NDUFB6: variants seen among roughly 807,000 people sequenced by gnomAD.
The protein encoded by NDUFB6 is NADH:ubiquinone oxidoreductase subunit B6.
In NDUFB6, 23 loss-of-function variants were observed where a neutral mutation model predicts 17.5. That is an observed-to-expected ratio of 1.31 (90% CI 0.94 to 1.86). The LOEUF (loss-of-function observed/expected upper bound fraction) is 1.86. Ranked by LOEUF, NDUFB6 falls within the 40% of genes most tolerant of loss-of-function variation. The probability of loss-of-function intolerance (pLI) is 0.00; values close to 1 mark genes in which losing one functional copy is unlikely to be tolerated. For synonymous variants in NDUFB6, 60 were observed against 53.5 expected (o/e 1.12, Z -0.53); for missense variants, 167 against 153.8 (o/e 1.09, Z -0.46).
chr9:32,556,401 C>T (rs143131532), intron 3 of NDUFB6, among the ~76,000 whole-genome samples: 1 of 152,188 alleles, frequency 6.6e-6, no homozygotes, highest in Admixed American at 6.5e-5. Flanking sequence ...ACCTCATATT[C>T]GATAGGCACG....
At chr9:32,567,029 C>T (rs764328620) in intron 2 of NDUFB6, 2 of 502,176 alleles carry the variant, frequency 4.0e-6, no homozygotes, top group Non-Finnish European at 8.0e-6. Flanking sequence ...GCAGAGGTAG[C>T]CCTTGCGCAG....
chr9:32,566,433 G>A (rs202217879), intron 2 of NDUFB6: 1 of 836,646 alleles, frequency 1.2e-6, no homozygotes, highest in Non-Finnish European at 2.1e-6. Flanking sequence ...TGTTACTGTA[G>A]GGGTTGATGG....
chr9:32,566,730 C>G (rs1374661120), intron 2 of NDUFB6: 2 of 902,014 alleles, frequency 2.2e-6, no homozygotes, highest in Non-Finnish European at 3.7e-6. Flanking sequence ...GGACTCCAAG[C>G]CTTCAAACCA....
chr9:32,572,863 G>A lies in NDUFB6; in HGVS notation c.180+18C>T, dbSNP rs1242409593. On this transcript the variant is annotated intron_variant, in intron 1 of 3. Transcript: ENST00000379847. ...CAGTGGGATGTGTTGGGGGGGACCG[G>A]AGAGGTCTGTCACTCACCATTTTCC... 6.5e-7 allele frequency: 1 copy of A among 1,544,950 alleles called. No individual in the cohort carries two copies. Among genetic ancestry groups the A allele is most frequent in the Non-Finnish European group, 8.7e-7 (1 of 1,146,040 alleles).
intron 2 of NDUFB6, among the ~76,000 whole-genome samples, chr9:32,563,228 C>CG (rs1387846417): frequency 1.3e-5 from 2 of 152,136 alleles, no homozygotes; most frequent in Non-Finnish European, 2.9e-5. Context: ...ACTAAGGTGG[C>CG]GTCTGCCAGA....
Position 32,558,925 on chromosome 9 carries a change from CTTCTT to C in NDUFB6, c.298_302del (p.Lys100ValfsTer7), listed in dbSNP as rs776508109. 2.1e-5 allele frequency: 34 copies of C among 1,583,784 alleles called. No homozygotes were observed. Among genetic ancestry groups the C allele is most frequent in the African/African-American group, 1.1e-4 (8 of 74,384 alleles). Reference sequence around the variant, plus strand: ...TAAGACTTACAGGGAATATTCTGGACTTCTTTTCAACTATGCCATATGGTTTTTCC... The same window carrying C: ...TAAGACTTACAGGGAATATTCTGGACTTCAACTATGCCATATGGTTTTTCC... On this transcript the variant is annotated frameshift_variant, in exon 3 of 4. Coordinates refer to ENST00000379847, the MANE Select transcript of NDUFB6 (RefSeq NM_002493.5). LOFTEE classifies it high-confidence loss of function.
At chr9:32,564,735 T>C (rs750277299) in intron 2 of NDUFB6, among the ~76,000 whole-genome samples, 4 of 152,166 alleles carry the variant, frequency 2.6e-5, no homozygotes, top group South Asian at 2.1e-4. Context: ...TCTGAGATGA[T>C]AGTAACTCTG....
intron 2 of NDUFB6, chr9:32,566,553 T>A: frequency 1.3e-6 from 1 of 776,118 alleles, no homozygotes; most frequent in Admixed American, 1.7e-5. Context: ...ATAGCTGCCG[T>A]CGTACTGCAC....
chr9:32,556,574 G>A (rs1821461353), intron 3 of NDUFB6, among the ~76,000 whole-genome samples: 1 of 152,130 alleles, frequency 6.6e-6, no homozygotes, highest in African/African-American at 2.4e-5. Flanking sequence ...AAGGGGTCAT[G>A]GCACAGAAAC....
chr9:32,565,194 G>A (rs1292351878), intron 2 of NDUFB6, among the ~76,000 whole-genome samples: 1 of 151,968 alleles, frequency 6.6e-6, no homozygotes, highest in African/African-American at 2.4e-5. Flanking sequence ...TTGGTAGGCT[G>A]AGGCAGGAGA....
intron 3 of NDUFB6, among the ~76,000 whole-genome samples, chr9:32,555,477 A>G (rs1161891932): frequency 6.6e-6 from 1 of 152,370 alleles, no homozygotes; most frequent in East Asian, 1.9e-4. Context: ...CAGATGCATA[A>G]GGACAAAGAA....
At chr9:32,561,787 A>G (rs1821634719) in intron 2 of NDUFB6, among the ~76,000 whole-genome samples, 1 of 152,106 alleles carries the variant, frequency 6.6e-6, no homozygotes, top group Non-Finnish European at 1.5e-5. Flanking sequence ...TTCCTTTAGA[A>G]GTGTCTCTGG....
At chr9:32,572,254 C>T (rs551059306) in intron 1 of NDUFB6, among the ~76,000 whole-genome samples, 1 of 152,138 alleles carries the variant, frequency 6.6e-6, no homozygotes, top group African/African-American at 2.4e-5. Context: ...CAAGAAAATA[C>T]CCAGAGGCCT....
In NDUFB6 at chr9:32,573,078, C is replaced by T. The variant is rs1452510396; in HGVS notation, c.-18G>A. ...CCCGTCATGTCGCCGCTGGTACCAA[C>T]GCAAAAGGACACGGCGCACCCTCGA... On this transcript the variant is annotated 5_prime_UTR_variant, in exon 1 of 4. Transcript: ENST00000379847. 2.0e-6 allele frequency: 3 copies of T among 1,532,572 alleles called. No individual in the cohort carries two copies. The highest frequency in any genetic ancestry group is 2.4e-5 in the East Asian group (1 of 41,610). 94.9% of individuals were successfully genotyped at this position (1,532,572 alleles called of 1,614,324 possible).
At chr9:32,556,221 T>C (rs1301550210) in intron 3 of NDUFB6, among the ~76,000 whole-genome samples, 1 of 152,162 alleles carries the variant, frequency 6.6e-6, no homozygotes, top group Non-Finnish European at 1.5e-5. Flanking sequence ...AGAAACTCCA[T>C]GAACAGGGGT....
chr9:32,558,312 C>T (rs1042095549), intron 3 of NDUFB6, among the ~76,000 whole-genome samples: 2 of 152,068 alleles, frequency 1.3e-5, no homozygotes, highest in South Asian at 2.1e-4. Flanking sequence ...GGGGTTTCAC[C>T]GTGTTAGCCA....
chr9:32,566,802 G>T, intron 2 of NDUFB6: 2 of 892,754 alleles, frequency 2.2e-6, no homozygotes. Context: ...CAGGAGGTCG[G>T]CCAGCAGTCT....
chr9:32,562,698 T>C (rs555086505), intron 2 of NDUFB6, among the ~76,000 whole-genome samples: 4 of 152,328 alleles, frequency 2.6e-5, no homozygotes, highest in African/African-American at 9.6e-5. Flanking sequence ...ATAATTACAA[T>C]ACAACTATCA....
chr9:32,569,287 C>T (rs1476285496), intron 2 of NDUFB6, among the ~76,000 whole-genome samples: 1 of 152,178 alleles, frequency 6.6e-6, no homozygotes, highest in Non-Finnish European at 1.5e-5. Flanking sequence ...GGCACGATCT[C>T]AGCTCACTGC....
Sources: gnomAD v4.1 joint callset for allele counts (sites outside exome capture counted in the v4.1 genomes callset) on GRCh38, gnomAD v4.1.1 for gene constraint, MANE v1.5 for transcripts, NCBI Gene and HGNC (gene_info 2026-07-23, HGNC 2026-07-21) for gene names.